NEGR1: variants seen among roughly 807,000 people sequenced by gnomAD.
NEGR1 encodes neuronal growth regulator 1.
In NEGR1, 10 loss-of-function variants were observed where a neutral mutation model predicts 40.9. The observed-to-expected ratio is 0.24, with a 90% CI of 0.15 to 0.42. NEGR1 has a LOEUF of 0.42. Ranked by LOEUF, NEGR1 falls within the 10% of genes least tolerant of loss-of-function variation. NEGR1 has a pLI of 1.00. For synonymous variants in NEGR1, 185 were observed against 166.8 expected (o/e 1.11, Z -0.84); for missense variants, 352 against 438.9 (o/e 0.80, Z 1.77).
At position 72,135,375 on chromosome 1, in the gene NEGR1, C is replaced by CAA. The variant is rs71074819; in HGVS notation, c.176+146942_176+146943dup. On this transcript the variant is annotated intron_variant, in intron 1 of 6. Transcript: ENST00000357731. ...TGGGTGACAGAGCGAGACTCCGTCT[C>CAA]AAAAAAAAAAAAAACAAAAAACAAA... is the stretch of plus-strand genomic sequence containing the variant. Among the ~76,000 whole-genome samples, 216 of 71,380 alleles carry CAA rather than the reference C, an allele frequency of 3.0e-3. 3 individuals carry two copies. The highest frequency in any genetic ancestry group is 0.011 in the African/African-American group (205 of 18,782). 46.8% of individuals were successfully genotyped at this position (71,380 alleles called of 152,430 possible). A position where few individuals can be genotyped will look rare whatever the true frequency, so the allele number is the denominator to read the frequency against.
intron 2 of NEGR1, among the ~76,000 whole-genome samples, chr1:71,858,971 G>A (rs1160442103): frequency 6.6e-6 from 1 of 151,970 alleles, no homozygotes; most frequent in African/African-American, 2.4e-5. Context: ...CTTACTAGAA[G>A]GTCGTTCCTC....
intron 6 of NEGR1, among the ~76,000 whole-genome samples, chr1:71,546,673 G>A (rs1647907657): frequency 6.6e-6 from 1 of 151,650 alleles, no homozygotes; most frequent in African/African-American, 2.4e-5. Context: ...CTGAGTACCT[G>A]TACAAAGTGA....
intron 1 of NEGR1, among the ~76,000 whole-genome samples, chr1:72,264,058 GGAGGCTA>G (rs1465508712): frequency 7.9e-4 from 119 of 151,274 alleles, no homozygotes; most frequent in Admixed American, 1.4e-3. Flanking sequence ...TATTCAATAT[GGAGGCTA>G]AAATAAAATC....
intron 1 of NEGR1, among the ~76,000 whole-genome samples, chr1:72,059,856 T>G (rs921910927): frequency 4.0e-5 from 6 of 151,630 alleles, no homozygotes. Flanking sequence ...CACTAGTAAC[T>G]ATTACAAACA....
At chr1:71,598,796 T>C (rs1368878402) in intron 5 of NEGR1, among the ~76,000 whole-genome samples, 1 of 152,238 alleles carries the variant, frequency 6.6e-6, no homozygotes, top group African/African-American at 2.4e-5. Context: ...CGTGATGGTA[T>C]GGGGTTACTG....
chr1:71,763,468 A>T (rs1277836886), intron 3 of NEGR1, among the ~76,000 whole-genome samples: 1 of 152,218 alleles, frequency 6.6e-6, no homozygotes, highest in Non-Finnish European at 1.5e-5. Flanking sequence ...TGAGTCAGTA[A>T]TCATTTCAAA....
At chr1:72,149,777 G>A (rs529639789) in intron 1 of NEGR1, among the ~76,000 whole-genome samples, 20 of 150,780 alleles carry the variant, frequency 1.3e-4, no homozygotes, top group Non-Finnish European at 2.9e-4. Context: ...AGCTACTCAG[G>A]AGGTGAGGCA....
At chr1:72,096,284 T>C (rs928115824) in intron 1 of NEGR1, among the ~76,000 whole-genome samples, 4 of 152,306 alleles carry the variant, frequency 2.6e-5, no homozygotes, top group Admixed American at 6.5e-5. Context: ...AGAATTTGCA[T>C]AAACCAAAAT....
intron 2 of NEGR1, among the ~76,000 whole-genome samples, chr1:71,779,174 C>A (rs1159948810): frequency 6.6e-6 from 1 of 152,188 alleles, no homozygotes; most frequent in Non-Finnish European, 1.5e-5. Flanking sequence ...GAAATCCTTA[C>A]ATGCACGGTG....
chr1:71,461,539 G>A (rs1349652665), intron 6 of NEGR1: 1 of 152,120 alleles, frequency 6.6e-6, no homozygotes, highest in African/African-American at 2.4e-5. Context: ...ACTCTAATAA[G>A]TTCTCTTGGT....
intron 2 of NEGR1, among the ~76,000 whole-genome samples, chr1:71,933,201 T>A (rs559790757): frequency 6.6e-6 from 1 of 151,994 alleles, no homozygotes; most frequent in East Asian, 1.9e-4. Context: ...TAGTAAGACA[T>A]GTAGCAGTTT....
chr1:71,714,843 G>T (rs986866323), intron 3 of NEGR1, among the ~76,000 whole-genome samples: 5 of 152,136 alleles, frequency 3.3e-5, no homozygotes, highest in African/African-American at 1.2e-4. Context: ...CCAGGTATAT[G>T]GTGCAAGCTG....
chr1:72,062,732 T>A (rs1647198716), intron 1 of NEGR1, among the ~76,000 whole-genome samples: 2 of 151,992 alleles, frequency 1.3e-5, no homozygotes, highest in Non-Finnish European at 2.9e-5. Context: ...TACTCCAGCA[T>A]CTGGGGCAGG....
At chr1:71,813,486 T>G (rs1437755648) in intron 2 of NEGR1, among the ~76,000 whole-genome samples, 1 of 152,164 alleles carries the variant, frequency 6.6e-6, no homozygotes, top group Non-Finnish European at 1.5e-5. Flanking sequence ...AATGGTAGTT[T>G]AATGGAAATA....
intron 6 of NEGR1, among the ~76,000 whole-genome samples, chr1:71,566,598 T>C (rs1053949746): frequency 1.3e-5 from 2 of 152,168 alleles, no homozygotes; most frequent in Admixed American, 6.5e-5. Flanking sequence ...TCTAAGTCCA[T>C]GCTTTTAAAC....
chr1:72,277,789 G>A lies in NEGR1; in HGVS notation c.176+4530C>T, dbSNP rs1393960067. Reference sequence around the variant, plus strand: ...CTTAATGTCCTAAATTGAAAATATCGGTAAAGTTGAACTGTGTATTTGGAA... The same window carrying A: ...CTTAATGTCCTAAATTGAAAATATCAGTAAAGTTGAACTGTGTATTTGGAA... On this transcript the variant is annotated intron_variant, in intron 1 of 6. Transcript: ENST00000357731. Among the ~76,000 whole-genome samples, 6 of 152,034 alleles carry A rather than the reference G, an allele frequency of 3.9e-5. No individual in the cohort carries two copies. The East Asian group carries it at 9.7e-4, about 25-fold the overall frequency.
intron 2 of NEGR1, among the ~76,000 whole-genome samples, chr1:71,867,817 T>A (rs1660161893): frequency 6.6e-6 from 1 of 152,192 alleles, no homozygotes; most frequent in Non-Finnish European, 1.5e-5. Flanking sequence ...CTTCATAATG[T>A]CATTTTCTAT....
intron 3 of NEGR1, among the ~76,000 whole-genome samples, chr1:71,729,922 C>T (rs1654801711): frequency 6.8e-6 from 1 of 148,116 alleles, no homozygotes; most frequent in African/African-American, 2.5e-5. Flanking sequence ...AGAAAAGAAT[C>T]TTTTTTATTG....
At chr1:72,244,452 T>C (rs1405584531) in intron 1 of NEGR1, among the ~76,000 whole-genome samples, 3 of 152,002 alleles carry the variant, frequency 2.0e-5, no homozygotes, top group Non-Finnish European at 2.9e-5. Context: ...TACACATATA[T>C]GTAAGTGTAT....
Sources: allele counts gnomAD v4.1 joint callset (sites outside exome capture counted in the v4.1 genomes callset), GRCh38; gene constraint gnomAD v4.1.1; transcripts MANE v1.5; gene names NCBI Gene and HGNC (gene_info 2026-07-23, HGNC 2026-07-21).